ITGB3BP: variants seen among roughly 807,000 people sequenced by gnomAD.
ITGB3BP encodes centromere protein R.
In ITGB3BP, 27 loss-of-function variants were observed where a neutral mutation model predicts 29.1. The observed-to-expected ratio is 0.93, with a 90% CI of 0.68 to 1.28. ITGB3BP has a LOEUF of 1.28. ITGB3BP is among the 50% of genes most tolerant of loss of function. The probability of loss-of-function intolerance (pLI) is 0.00; values close to 1 mark genes in which losing one functional copy is unlikely to be tolerated. For missense variants in ITGB3BP, 192 were observed against 200.2 expected, an observed-to-expected ratio of 0.96 and a Z score of 0.25; for synonymous variants, 61 against 61.4, an observed-to-expected ratio of 0.99 and a Z score of 0.03.
At chr1:63,528,666 T>TAC (rs1646640256) in intron 2 of ITGB3BP, among the ~76,000 whole-genome samples, 2 of 152,102 alleles carry the variant, frequency 1.3e-5, no homozygotes, top group African/African-American at 4.8e-5. Context: ...AAAAATCTCA[T>TAC]ATTATACACC....
At chr1:63,506,752 A>G (rs1181048267) in intron 2 of ITGB3BP, among the ~76,000 whole-genome samples, 1 of 152,192 alleles carries the variant, frequency 6.6e-6, no homozygotes, top group East Asian at 1.9e-4. Context: ...TATAAGGGCC[A>G]TCTCTTTCCC....
At chr1:63,488,296 G>A (rs12730289) in intron 3 of ITGB3BP, among the ~76,000 whole-genome samples, 20,924 of 151,934 alleles carry the variant, frequency 0.14, 1,559 homozygotes, top group Middle Eastern at 0.24. Context: ...GGCTAAAGTA[G>A]TGTAAAAAAG....
intron 4 of ITGB3BP, among the ~76,000 whole-genome samples, chr1:63,471,716 G>C (rs1645200608): frequency 6.6e-6 from 1 of 152,124 alleles, no homozygotes. Context: ...AACTAATTCA[G>C]CTAAATGAAG....
intron 2 of ITGB3BP, among the ~76,000 whole-genome samples, chr1:63,502,517 T>TTA (rs1553165581): frequency 6.6e-6 from 1 of 150,876 alleles, no homozygotes; most frequent in East Asian, 2.0e-4. Context: ...GCACTTCTTT[T>TTA]TTTTTTTTTT....
At chr1:63,448,704 G>A (rs1644822509) in intron 7 of ITGB3BP, among the ~76,000 whole-genome samples, 1 of 152,044 alleles carries the variant, frequency 6.6e-6, no homozygotes, top group African/African-American at 2.4e-5. Flanking sequence ...TCTACTAAAT[G>A]TGCCAGAATA....
upstream of ITGB3BP, chr1:63,525,715 A>G: frequency 1.9e-6 from 3 of 1,583,822 alleles, no homozygotes; most frequent in Non-Finnish European, 8.5e-7. Context: ...ACTGTCTTCA[A>G]AAGCAGCTTG....
chr1:63,453,864 G>C lies in ITGB3BP; in HGVS notation c.484+54C>G, dbSNP rs775439663. 19 of 1,064,820 alleles carry C rather than the reference G, an allele frequency of 1.8e-5. No homozygotes were observed. In the East Asian group the frequency reaches 4.6e-4, roughly 26 times the overall value. 66.0% of individuals were successfully genotyped at this position (1,064,820 alleles called of 1,614,324 possible). On this transcript the variant is annotated intron_variant, in intron 7 of 8. Transcript: ENST00000271002. ...GGATTCATGATGATTAGTTTTAATT[G>C]GCAAAATGGGATGAAAGCATCTTTA...
rs60488393 is a variant in ITGB3BP, at chr1:63,446,343, G to A, written c.*1+463C>T. Among the ~76,000 whole-genome samples the A allele has an allele frequency of 4.1e-3, 619 of 152,270 alleles. 2 individuals are homozygous for A. Among genetic ancestry groups the A allele is most frequent in the African/African-American group, 0.014 (592 of 41,548 alleles). ...TTGTATTGCTGAATCAATAGGAATT[G>A]TTCTGAAGGCAAGGTATAACTAATA... is the stretch of plus-strand genomic sequence containing the variant. On this transcript the variant is annotated intron_variant, in intron 8 of 8. Transcript: ENST00000271002.
chr1:63,490,270 C>A (rs770041928), intron 2 of ITGB3BP, 52 bp from the exon 3 acceptor site: 1 of 1,313,964 alleles, frequency 7.6e-7, no homozygotes, highest in Admixed American at 2.2e-5. Context: ...AGTTATAGAT[C>A]TTTGAAATTA....
chr1:63,493,088 A>ACGCGCGCG (rs66981141), intron 2 of ITGB3BP, among the ~76,000 whole-genome samples: 8,507 of 148,482 alleles, frequency 0.057, 296 homozygotes, highest in South Asian at 0.12. Context: ...ACACACACAC[A>ACGCGCGCG]CGCGCGCGCG....
At chr1:63,464,151 T>A (rs1169413898) in intron 4 of ITGB3BP, among the ~76,000 whole-genome samples, 1 of 152,136 alleles carries the variant, frequency 6.6e-6, no homozygotes. Context: ...TATCTCATTT[T>A]AAAAAGTCAA....
At chr1:63,472,031 G>A (rs558633062) in intron 4 of ITGB3BP, among the ~76,000 whole-genome samples, 32 of 149,866 alleles carry the variant, frequency 2.1e-4, no homozygotes, top group East Asian at 1.4e-3. Flanking sequence ...TCATCCGCCC[G>A]CCTCAGCCTC....
chr1:63,459,659 A>C (rs1029373972), intron 4 of ITGB3BP, among the ~76,000 whole-genome samples: 1 of 152,136 alleles, frequency 6.6e-6, no homozygotes, highest in Admixed American at 6.5e-5. Flanking sequence ...TGTCTGTGGG[A>C]AATACTGTCT....
intron 1 of ITGB3BP, among the ~76,000 whole-genome samples, chr1:63,517,995 T>G (rs1239484293): frequency 6.6e-6 from 1 of 152,220 alleles, no homozygotes; most frequent in African/African-American, 2.4e-5. Flanking sequence ...AGTGATGGGA[T>G]TACCGGCATG....
intron 4 of ITGB3BP, among the ~76,000 whole-genome samples, chr1:63,459,777 T>C (rs1395334839): frequency 6.6e-6 from 1 of 152,134 alleles, no homozygotes; most frequent in African/African-American, 2.4e-5. Context: ...TGACCTATGT[T>C]CTCAACCATT....
At chr1:63,442,075 C>G (rs979621861) in intron 8 of ITGB3BP, among the ~76,000 whole-genome samples, 1 of 152,184 alleles carries the variant, frequency 6.6e-6, no homozygotes, top group Non-Finnish European at 1.5e-5. Context: ...GGCGACAGAA[C>G]GAGACCCTGT....
upstream of ITGB3BP, chr1:63,523,662 C>T (rs1047111883): frequency 1.7e-5 from 3 of 178,098 alleles, no homozygotes; most frequent in African/African-American, 7.1e-5. Flanking sequence ...GTCTCTGTCT[C>T]TTCGCTCCCT....
intron 3 of ITGB3BP, among the ~76,000 whole-genome samples, chr1:63,479,775 T>A (rs772534865): frequency 6.6e-6 from 1 of 152,168 alleles, no homozygotes; most frequent in Non-Finnish European, 1.5e-5. Flanking sequence ...GTGGCAGGAT[T>A]TCCCTCTTTT....
intron 3 of ITGB3BP, among the ~76,000 whole-genome samples, chr1:63,487,615 A>G (rs1645556197): frequency 6.6e-6 from 1 of 152,022 alleles, no homozygotes. Flanking sequence ...TGTACTGAAC[A>G]CTGTAGGCAA....
Sources: gnomAD v4.1 joint callset for allele counts (sites outside exome capture counted in the v4.1 genomes callset) on GRCh38, gnomAD v4.1.1 for gene constraint, MANE v1.5 for transcripts, NCBI Gene and HGNC (gene_info 2026-07-23, HGNC 2026-07-21) for gene names.